SMAD6: variants seen among roughly 807,000 people sequenced by gnomAD.
The protein encoded by SMAD6 is SMAD family member 6.
Under a neutral mutation model 39.4 loss-of-function variants are expected in SMAD6, and 103 were observed. The observed-to-expected ratio is 2.62, with a 90% confidence interval of 2.23 to 3.08. SMAD6 has a LOEUF of 3.08. Among genes scored for constraint, SMAD6 ranks in the 30% most tolerant of loss-of-function variants. The pLI is 0.00. For missense variants in SMAD6, 1,104 were observed against 742.9 expected (o/e 1.49, Z -5.65); for synonymous variants, 445 against 353.3 (o/e 1.26, Z -2.91).
At chr15:66,754,751 C>T (rs1894067921) in intron 3 of SMAD6, among the ~76,000 whole-genome samples, 1 of 152,158 alleles carries the variant, frequency 6.6e-6, no homozygotes, top group Non-Finnish European at 1.5e-5. Context: ...GGATTCACTG[C>T]AGCTCAGAGG....
intron 3 of SMAD6, among the ~76,000 whole-genome samples, chr15:66,768,460 T>C (rs971305839): frequency 4.6e-5 from 7 of 152,230 alleles, no homozygotes; most frequent in African/African-American, 1.4e-4. Context: ...CCCTGTTCCA[T>C]TTACTTTCAT....
chr15:66,703,941 G>C lies in SMAD6; in HGVS notation c.683G>C (p.Arg228Pro). 1.4e-6 allele frequency: 2 copies of C among 1,382,866 alleles called. No individual in the cohort carries two copies. Among genetic ancestry groups the C allele is most frequent in the Non-Finnish European group, 1.9e-6 (2 of 1,066,412 alleles). The allele number at this position is 1,382,866 out of a possible 1,614,324, so 85.7% of individuals were successfully genotyped here. ...GCGCCGCCGCAGCTGCTGCTCGGCC[G>C]CCTCTTTCGCTGGCCCGACCTGCAG... ...QPAPPQLLLGRLFRWPDLQHA... is the reference protein window; with the variant it reads ...QPAPPQLLLGPLFRWPDLQHA... The change falls in exon 1 of 4, where the codon CGC (arginine) becomes CCC (proline). Residue 228 changes from arginine to proline, a missense_variant. Transcript: ENST00000288840.
rs565199747 is a variant in SMAD6, at chr15:66,734,921, C to T, written c.952+18423C>T. On this transcript the variant is annotated intron_variant, in intron 3 of 3. Coordinates refer to ENST00000288840, the MANE Select transcript of SMAD6 (RefSeq NM_005585.5). ...AGCTGTTGTGCCTTCCATGCTGCCT[C>T]CTGCCGTAGCAGGTTCCATGGCATG... is the stretch of plus-strand genomic sequence containing the variant. Among the ~76,000 whole-genome samples the T allele has an allele frequency of 2.6e-5, 4 of 152,374 alleles. No individual in the cohort carries two copies. In the South Asian group the frequency reaches 8.3e-4, roughly 32 times the overall value.
intron 3 of SMAD6, among the ~76,000 whole-genome samples, chr15:66,724,028 G>A (rs188818056): frequency 6.6e-6 from 1 of 152,300 alleles, no homozygotes. Flanking sequence ...TCAAGTAGGA[G>A]GAACAGCTTG....
rs1414782458 is a variant in SMAD6, at chr15:66,703,377, G to A, written c.119G>A (p.Gly40Asp). ...GGGGDEDGSL[G>D]SRAEPAPRAR... The stretch of plus-strand genomic sequence containing the variant: ...GGCGGCGACGAGGATGGGAGCTTGG[G>A]CAGCCGAGCTGAGCCGGCCCCGCGG... The change falls in exon 1 of 4, where the codon GGC becomes GAC. Residue 40 changes from glycine (G) to aspartate (D), a missense_variant. Transcript: ENST00000288840. The A allele has an allele frequency of 1.4e-5, 21 of 1,457,490 alleles. No individual in the cohort carries two copies. The highest frequency in any genetic ancestry group is 1.8e-5 in the Non-Finnish European group (20 of 1,104,388). The allele number at this position is 1,457,490 out of a possible 1,614,324, so 90.3% of individuals were successfully genotyped here.
chr15:66,719,755 C>T (rs556395080), intron 3 of SMAD6, among the ~76,000 whole-genome samples: 75 of 152,286 alleles, frequency 4.9e-4, no homozygotes, highest in East Asian at 2.1e-3. Flanking sequence ...GTGGGCAGGG[C>T]GAGGGGCCGC....
rs1385862352 is a variant in SMAD6 at position 66,782,241 on chromosome 15, T to C, written c.*706T>C. On this transcript the variant is annotated 3_prime_UTR_variant, in exon 4 of 4. Coordinates refer to ENST00000288840, the MANE Select transcript of SMAD6 (RefSeq NM_005585.5). Reference sequence around the variant, plus strand: ...GATGGCGGTGGGGAAAAGAATACACTGGCCATTTATCCTGGACAAGCTCTT... The same window carrying C: ...GATGGCGGTGGGGAAAAGAATACACCGGCCATTTATCCTGGACAAGCTCTT... 1 of 246,110 alleles carries C rather than the reference T, an allele frequency of 4.1e-6. No homozygotes were observed. Among genetic ancestry groups the C allele is most frequent in the African/African-American group, 2.2e-5 (1 of 44,978 alleles). 15.2% of individuals were successfully genotyped at this position (246,110 alleles called of 1,614,324 possible). A position where few individuals can be genotyped will look rare whatever the true frequency, so the allele number is the denominator to read the frequency against.
intron 3 of SMAD6, among the ~76,000 whole-genome samples, chr15:66,750,925 A>G (rs1048547758): frequency 1.3e-5 from 2 of 152,256 alleles, no homozygotes; most frequent in East Asian, 3.9e-4. Flanking sequence ...TGGCATTTGC[A>G]TGGAATTGGG....
At chr15:66,727,784 T>A (rs1567099981) in intron 3 of SMAD6, among the ~76,000 whole-genome samples, 1 of 152,194 alleles carries the variant, frequency 6.6e-6, no homozygotes, top group Non-Finnish European at 1.5e-5. Flanking sequence ...TAATGTAAAC[T>A]TTTTACCAAT....
chr15:66,741,379 C>T (rs1465932344), intron 3 of SMAD6, among the ~76,000 whole-genome samples: 3 of 152,246 alleles, frequency 2.0e-5, no homozygotes, highest in South Asian at 2.1e-4. Flanking sequence ...GGGGCTTCGC[C>T]TCTGTAGCAG....
rs2278603 is a variant in SMAD6, at chr15:66,716,370, G to A, written c.875-51G>A. ...GAGATGCATGAGAAAGAAGAAAAAA[G>A]AGAGCGCTGCCCCACGGCCAACTAA... On this transcript the variant is annotated intron_variant, in intron 2 of 3. Transcript: ENST00000288840. 156,581 of 1,314,222 alleles carry A rather than the reference G, an allele frequency of 0.12. 9,782 individuals are homozygous for A. Among genetic ancestry groups the A allele is most frequent in the South Asian group, 0.15 (13,043 of 84,770 alleles). The allele number at this position is 1,314,222 out of a possible 1,614,324, so 81.4% of individuals were successfully genotyped here.
chr15:66,747,898 A>G lies in SMAD6; in HGVS notation c.952+31400A>G, dbSNP rs1187622692. On this transcript the variant is annotated intron_variant, in intron 3 of 3. Coordinates refer to ENST00000288840, the MANE Select transcript of SMAD6 (RefSeq NM_005585.5). This position sits in a 1 kb window ranked among gnomAD's most constrained non-coding sequence, Gnocchi z 4.5. ...ATTCTCACCCCTGCAGAGATGGCCT[A>G]AAGTCTTCCCTGAGAGCCCTTTGCA... 2.0e-5 allele frequency among the ~76,000 whole-genome samples: 3 copies of G among 152,044 alleles called. No homozygotes were observed. Among genetic ancestry groups the G allele is most frequent in the Non-Finnish European group, 4.4e-5 (3 of 68,006 alleles).
At chr15:66,705,681 G>A in intron 1 of SMAD6, 1 of 152,360 alleles carries the variant, frequency 6.6e-6, no homozygotes, top group Non-Finnish European at 1.5e-5. Flanking sequence ...TTTGGGCCAG[G>A]CACTGTGCTG....
chr15:66,704,114 C>T lies in SMAD6; in HGVS notation c.817+39C>T, dbSNP rs1454778085. On this transcript the variant is annotated intron_variant, in intron 1 of 3. Coordinates refer to ENST00000288840, the MANE Select transcript of SMAD6 (RefSeq NM_005585.5). ...GCCGGCCGGGGGGGCCCCGGGTCCC[C>T]GTCCCCATCCCCTTCCGTGCCCTTC... 4 of 1,361,434 alleles carry T rather than the reference C, an allele frequency of 2.9e-6. 1 individual carries two copies. Among genetic ancestry groups the T allele is most frequent in the East Asian group, 6.1e-5 (2 of 32,908 alleles). 84.3% of individuals were successfully genotyped at this position (1,361,434 alleles called of 1,614,324 possible). A position where few individuals can be genotyped will look rare whatever the true frequency, so the allele number is the denominator to read the frequency against.
At chr15:66,761,387 C>T (rs1894196281) in intron 3 of SMAD6, among the ~76,000 whole-genome samples, 1 of 152,206 alleles carries the variant, frequency 6.6e-6, no homozygotes, top group Non-Finnish European at 1.5e-5. Context: ...TTTTGCAACG[C>T]ACATCCTTTG....
rs565225133 is a variant in SMAD6 at position 66,703,852 on chromosome 15, C to T, written c.594C>T (p.Arg198=). The T allele has an allele frequency of 7.2e-5, 97 of 1,353,882 alleles. 1 individual carries two copies. In the South Asian group the frequency reaches 1.6e-3, roughly 22 times the overall value. The allele number at this position is 1,353,882 out of a possible 1,614,324, so 83.9% of individuals were successfully genotyped here. A position where few individuals can be genotyped will look rare whatever the true frequency, so the allele number is the denominator to read the frequency against. The change falls in exon 1 of 4, where the codon CGC becomes CGT. Residue 198 remains arginine, a synonymous_variant. Coordinates refer to ENST00000288840, the MANE Select transcript of SMAD6 (RefSeq NM_005585.5). ...LDTLLEAVES[R]GGVPGGCVLV... ...CGCTGCTGGAGGCGGTGGAGTCCCG[C>T]GGCGGCGTGCCGGGCGGCTGCGTGC...
intron 3 of SMAD6, among the ~76,000 whole-genome samples, chr15:66,721,399 CA>C (rs1893429556): frequency 1.0e-5 from 1 of 97,214 alleles, no homozygotes; most frequent in Non-Finnish European, 2.1e-5. Flanking sequence ...TGTTCTCGTC[CA>C]ACAACACCCT....
At chr15:66,720,782 G>A (rs923680875) in intron 3 of SMAD6, among the ~76,000 whole-genome samples, 3 of 152,220 alleles carry the variant, frequency 2.0e-5, no homozygotes, top group Non-Finnish European at 4.4e-5. Context: ...AGGGCCCTCA[G>A]GGTGGGAGCT....
At chr15:66,763,287 A>G (rs1894232540) in intron 3 of SMAD6, among the ~76,000 whole-genome samples, 1 of 152,172 alleles carries the variant, frequency 6.6e-6, no homozygotes. Flanking sequence ...GCTGCAGGGT[A>G]GCGCCAGGAC....
Sources: gnomAD v4.1 joint callset for allele counts (sites outside exome capture counted in the v4.1 genomes callset) on GRCh38, gnomAD v4.1.1 for gene constraint, Gnocchi (gnomAD v3.1) non-coding constraint, MANE v1.5 for transcripts, NCBI Gene and HGNC (gene_info 2026-07-23, HGNC 2026-07-21) for gene names.